PALM2AKAP2: variants seen among roughly 807,000 people sequenced by gnomAD.
The protein encoded by PALM2AKAP2 is PALM2-AKAP2 fusion protein.
A neutral mutation model predicts 71.5 loss-of-function variants in PALM2AKAP2; 37 were observed. The observed-to-expected ratio is 0.52, with a 90% confidence interval of 0.40 to 0.68. PALM2AKAP2 has a LOEUF of 0.68. PALM2AKAP2 is among the 30% of genes least tolerant of loss of function. PALM2AKAP2 has a pLI of 0.00. For synonymous variants in PALM2AKAP2, 468 were observed against 478.8 expected, an observed-to-expected ratio of 0.98 and a Z score of 0.29; for missense variants, 1,224 against 1,191.8, an observed-to-expected ratio of 1.03 and a Z score of -0.40.
At chr9:109,656,733 G>A (rs544325963) in intron 1 of PALM2AKAP2, among the ~76,000 whole-genome samples, 2 of 152,316 alleles carry the variant, frequency 1.3e-5, no homozygotes, top group East Asian at 3.9e-4. Flanking sequence ...GAACTGAAGG[G>A]TGTGATTGAT....
chr9:109,661,115 C>T (rs1280796031), intron 1 of PALM2AKAP2, among the ~76,000 whole-genome samples: 1 of 152,100 alleles, frequency 6.6e-6, no homozygotes, highest in South Asian at 2.1e-4. Flanking sequence ...CTGTAGGTTG[C>T]CTGTTCATTC....
chr9:109,768,678 C>T (rs1829202758), intron 1 of PALM2AKAP2, among the ~76,000 whole-genome samples: 1 of 152,228 alleles, frequency 6.6e-6, no homozygotes, highest in South Asian at 2.1e-4. Context: ...TGACTGGAAG[C>T]ACTCTGTGCC....
At chr9:109,993,470 C>T (rs1159971195) in intron 6 of PALM2AKAP2, among the ~76,000 whole-genome samples, 1 of 152,186 alleles carries the variant, frequency 6.6e-6, no homozygotes, top group East Asian at 1.9e-4. Flanking sequence ...ACATGCCCAT[C>T]CCTAAACTTG....
chr9:109,789,165 CAG>C (rs1330089929), intron 1 of PALM2AKAP2, among the ~76,000 whole-genome samples: 2 of 152,140 alleles, frequency 1.3e-5, no homozygotes. Flanking sequence ...GAGGACACCT[CAG>C]TGAGATAAGA....
intron 1 of PALM2AKAP2, among the ~76,000 whole-genome samples, chr9:109,708,724 T>C (rs1828181135): frequency 6.6e-6 from 1 of 152,224 alleles, no homozygotes; most frequent in East Asian, 1.9e-4. Context: ...ATGTCTATTC[T>C]TACTCACTTC....
chr9:110,135,502 G>A (rs1835843124), intron 1 of PALM2AKAP2, among the ~76,000 whole-genome samples: 1 of 151,892 alleles, frequency 6.6e-6, no homozygotes, highest in Non-Finnish European at 1.5e-5. Context: ...TCAAAGCAGT[G>A]CTGACTTCTT....
intron 1 of PALM2AKAP2, among the ~76,000 whole-genome samples, chr9:109,653,544 A>G (rs1827254460): frequency 6.6e-6 from 1 of 152,190 alleles, no homozygotes. Flanking sequence ...AAAATCAAAG[A>G]CATTAATAAT....
chr9:109,812,238 G>A (rs1263283395), intron 1 of PALM2AKAP2, among the ~76,000 whole-genome samples: 1 of 152,216 alleles, frequency 6.6e-6, no homozygotes, highest in African/African-American at 2.4e-5. Context: ...GAAGGGAGAA[G>A]GGAGGAGGCA....
At chr9:109,984,805 A>T (rs1041119681) in intron 6 of PALM2AKAP2, among the ~76,000 whole-genome samples, 3 of 151,532 alleles carry the variant, frequency 2.0e-5, no homozygotes, top group Non-Finnish European at 1.5e-5. Flanking sequence ...CAGGAGTTCG[A>T]GGTTTACAAA....
Position 110,114,501 on chromosome 9 carries a change from C to T in PALM2AKAP2, c.157-21626C>T, listed in dbSNP as rs571398990. ...GACTCACTTCAGTACTTATTATACC[C>T]ATTTAACAGATGATGACCCAGAGTC... On this transcript the variant is annotated intron_variant, in intron 1 of 3. Transcript: ENST00000374525. Among the ~76,000 whole-genome samples the T allele has an allele frequency of 1.5e-3, 228 of 152,308 alleles. 1 individual carries two copies. Among genetic ancestry groups the T allele is most frequent in the Middle Eastern group, 0.014 (4 of 294 alleles).
rs187110548 is a variant in PALM2AKAP2 at position 109,820,412 on chromosome 9, T to G, written c.45+39879T>G. Among the ~76,000 whole-genome samples, 18 of 152,302 alleles carry G rather than the reference T, an allele frequency of 1.2e-4. No individual in the cohort carries two copies. In the East Asian group the frequency reaches 3.5e-3, roughly 29 times the overall value. Reference sequence around the variant, plus strand: ...CAGTGGTGAGATGCCGTCACCTCAGTCCATTGTGTTAGTTTATTGCAATGT... The same window carrying G: ...CAGTGGTGAGATGCCGTCACCTCAGGCCATTGTGTTAGTTTATTGCAATGT... On this transcript the variant is annotated intron_variant, in intron 1 of 9. Transcript: ENST00000302798.
At position 110,114,463 on chromosome 9, in the gene PALM2AKAP2, C is replaced by T. The variant is rs188418393; in HGVS notation, c.157-21664C>T. Among the ~76,000 whole-genome samples, 6 of 152,196 alleles carry T rather than the reference C, an allele frequency of 3.9e-5. No individual in the cohort carries two copies. The East Asian group carries it at 9.6e-4, about 24-fold the overall frequency. On this transcript the variant is annotated intron_variant, in intron 1 of 3. Transcript: ENST00000374525. Reference sequence around the variant, plus strand: ...TTCCGGGTGGACATGAATTTTGGGGCGGGGCACTATTTGACTCACTTCAGT... The same window carrying T: ...TTCCGGGTGGACATGAATTTTGGGGTGGGGCACTATTTGACTCACTTCAGT...
intron 1 of PALM2AKAP2, among the ~76,000 whole-genome samples, chr9:109,749,262 T>C (rs1312795328): frequency 6.6e-6 from 1 of 152,096 alleles, no homozygotes; most frequent in Admixed American, 6.6e-5. Context: ...TCACAGTATC[T>C]AGCAGGGCCT....
intron 1 of PALM2AKAP2, among the ~76,000 whole-genome samples, chr9:110,119,166 A>G (rs1835428087): frequency 6.6e-6 from 1 of 151,930 alleles, no homozygotes; most frequent in Non-Finnish European, 1.5e-5. Flanking sequence ...AACATGGTAA[A>G]AATCCGTCTC....
chr9:110,054,380 C>G (rs1352877581), intron 1 of PALM2AKAP2, among the ~76,000 whole-genome samples: 5 of 151,162 alleles, frequency 3.3e-5, no homozygotes, highest in Admixed American at 3.3e-4. Flanking sequence ...GCCTGGGCAA[C>G]AAGAGTGAAA....
intron 2 of PALM2AKAP2, 37 bp downstream of exon 8, chr9:110,138,576 A>G: frequency 6.5e-7 from 1 of 1,531,148 alleles, no homozygotes; most frequent in East Asian, 2.3e-5. Context: ...CAGATGCCAC[A>G]GCAGTCTGTT....
chr9:109,723,544 C>T (rs1284920046), intron 1 of PALM2AKAP2, among the ~76,000 whole-genome samples: 1 of 152,126 alleles, frequency 6.6e-6, no homozygotes, highest in Non-Finnish European at 1.5e-5. Flanking sequence ...GGAATTGAGA[C>T]CTCTGTGCTC....
At chr9:110,115,482 A>G (rs1724198844) in intron 1 of PALM2AKAP2, among the ~76,000 whole-genome samples, 1 of 152,084 alleles carries the variant, frequency 6.6e-6, no homozygotes, top group Non-Finnish European at 1.5e-5. Flanking sequence ...GCCGTGTCCT[A>G]TTTCTCATCA....
chr9:110,035,141 T>C (rs1304263395), intron 7 of PALM2AKAP2, among the ~76,000 whole-genome samples: 2 of 149,544 alleles, frequency 1.3e-5, no homozygotes, highest in African/African-American at 2.5e-5. Context: ...TGCTTTTTTT[T>C]CTGCCTAAAA....
Sources: gnomAD v4.1 joint callset for allele counts (sites outside exome capture counted in the v4.1 genomes callset) on GRCh38, gnomAD v4.1.1 for gene constraint, MANE v1.5 for transcripts, NCBI Gene and HGNC (gene_info 2026-07-23, HGNC 2026-07-21) for gene names.